Variants in NKAIN3 observed in about 807,000 individuals in gnomAD.
NKAIN3 encodes the protein sodium/potassium transporting ATPase interacting 3, also known as sodium/potassium-transporting ATPase subunit beta-1-interacting protein 3.
A neutral mutation model predicts 30.2 loss-of-function variants in NKAIN3; 25 were observed. That is an observed-to-expected ratio of 0.83 (90% CI 0.60 to 1.16). The LOEUF (loss-of-function observed/expected upper bound fraction) is 1.16. Among genes scored for constraint, NKAIN3 ranks in the 50% most tolerant of loss-of-function variants. NKAIN3 has a pLI of 0.00. For synonymous variants in NKAIN3, 91 were observed against 89.6 expected (o/e 1.02, Z -0.09); for missense variants, 225 against 254.1 (o/e 0.89, Z 0.78).
intron 3 of NKAIN3, among the ~76,000 whole-genome samples, chr8:62,661,141 C>G (rs912834677): frequency 6.6e-6 from 1 of 152,172 alleles, no homozygotes; most frequent in Admixed American, 6.5e-5. Flanking sequence ...ATTTGAAGCA[C>G]GTACGCCATC....
chr8:62,284,055 CT>C (rs1813290771), intron 1 of NKAIN3, among the ~76,000 whole-genome samples: 1 of 152,034 alleles, frequency 6.6e-6, no homozygotes, highest in South Asian at 2.1e-4. Context: ...TCCACTTTTC[CT>C]TTTTGAGACC....
intron 1 of NKAIN3, among the ~76,000 whole-genome samples, chr8:62,406,755 G>A (rs1804083486): frequency 6.6e-6 from 1 of 151,972 alleles, no homozygotes; most frequent in Non-Finnish European, 1.5e-5. Context: ...CCTCTATTAG[G>A]TGTTCCTGTC....
intron 3 of NKAIN3, among the ~76,000 whole-genome samples, chr8:62,620,149 G>A (rs533799971): frequency 5.9e-5 from 9 of 152,250 alleles, no homozygotes; most frequent in Non-Finnish European, 1.0e-4. Context: ...ATAGGACACA[G>A]GGGTATGCTC....
chr8:62,832,056 G>C (rs1819213530), intron 4 of NKAIN3, among the ~76,000 whole-genome samples: 1 of 151,896 alleles, frequency 6.6e-6, no homozygotes, highest in Admixed American at 6.6e-5. Context: ...GAGATAAGAG[G>C]CCTATTTTCA....
intron 1 of NKAIN3, among the ~76,000 whole-genome samples, chr8:62,407,711 G>T (rs1467535819): frequency 6.6e-6 from 1 of 152,166 alleles, no homozygotes; most frequent in African/African-American, 2.4e-5. Context: ...GATTACAGGC[G>T]TGAGCCCCCG....
intron 1 of NKAIN3, among the ~76,000 whole-genome samples, chr8:62,338,318 A>G (rs1585696647): frequency 1.3e-5 from 2 of 152,174 alleles, no homozygotes; most frequent in Admixed American, 6.5e-5. Context: ...CCATTAATAT[A>G]CAATTATAAA....
chr8:62,664,524 A>G (rs1242433541), intron 3 of NKAIN3, among the ~76,000 whole-genome samples: 3 of 152,092 alleles, frequency 2.0e-5, no homozygotes, highest in Non-Finnish European at 4.4e-5. Context: ...AACTTTTCAT[A>G]TAGTGGATTC....
chr8:62,862,406 G>A (rs1247696576), intron 4 of NKAIN3, among the ~76,000 whole-genome samples: 3 of 151,938 alleles, frequency 2.0e-5, no homozygotes, highest in Non-Finnish European at 4.4e-5. Flanking sequence ...GAAAACTAAA[G>A]TGCACTTATA....
chr8:62,654,605 G>A (rs116705911), intron 3 of NKAIN3, among the ~76,000 whole-genome samples: 3 of 152,258 alleles, frequency 2.0e-5, no homozygotes, highest in Non-Finnish European at 2.9e-5. Context: ...GTAGCTAGAG[G>A]ACAATGGTAG....
rs1459772053 is a variant in NKAIN3, at chr8:62,682,371, G to A, written c.274-64561G>A. 3.9e-5 allele frequency among the ~76,000 whole-genome samples: 6 copies of A among 152,268 alleles called. No homozygotes were observed. The East Asian group carries it at 9.7e-4, about 25-fold the overall frequency. On this transcript the variant is annotated intron_variant, in intron 3 of 6. Coordinates refer to ENST00000623646, the MANE Select transcript of NKAIN3 (RefSeq NM_001304533.3). ...AGGGAAGCCATTTCTGGTCTCACAG[G>A]GGTCCTTGGGGAGGGCTGCCAGGGG...
rs146836699 is a variant in NKAIN3 at position 62,753,309 on chromosome 8, T to C, written c.471+6180T>C. ...AAGTATTTCTGCTTGAAATAATCTCTATTATCAATTAATGTCATCCTACAG... is the reference window on the plus strand; with the variant it reads ...AAGTATTTCTGCTTGAAATAATCTCCATTATCAATTAATGTCATCCTACAG... On this transcript the variant is annotated intron_variant, in intron 4 of 6. Transcript: ENST00000623646. Among the ~76,000 whole-genome samples, 35 of 152,194 alleles carry C rather than the reference T, an allele frequency of 2.3e-4. No individual in the cohort carries two copies. In the East Asian group the frequency reaches 6.6e-3, roughly 29 times the overall value.
chr8:62,379,428 G>T (rs909026076), intron 1 of NKAIN3, among the ~76,000 whole-genome samples: 11 of 152,150 alleles, frequency 7.2e-5, no homozygotes, highest in Non-Finnish European at 1.6e-4. Context: ...GCCAGGGGTG[G>T]AATGATATGG....
chr8:62,350,042 G>A (rs1366271192), intron 1 of NKAIN3, among the ~76,000 whole-genome samples: 1 of 152,176 alleles, frequency 6.6e-6, no homozygotes, highest in Non-Finnish European at 1.5e-5. Flanking sequence ...AAATGGTGCA[G>A]CCACTGTGAA....
chr8:62,398,998 GGA>G (rs1817850832), intron 1 of NKAIN3, among the ~76,000 whole-genome samples: 2 of 152,130 alleles, frequency 1.3e-5, no homozygotes, highest in South Asian at 4.1e-4. Flanking sequence ...GGCTGAGGCA[GGA>G]GAATCACTTG....
Position 62,647,331 on chromosome 8 carries a change from A to G in NKAIN3, c.273+57537A>G, listed in dbSNP as rs555041666. 1.4e-4 allele frequency among the ~76,000 whole-genome samples: 22 copies of G among 152,324 alleles called. 1 individual carries two copies. The South Asian group carries it at 4.6e-3, about 32-fold the overall frequency. ...AGATGAAAAGCAAAGTGGCAGAACTACTTTTAAAGTTGTTCATCCATTAGG... is the reference window on the plus strand; with the variant it reads ...AGATGAAAAGCAAAGTGGCAGAACTGCTTTTAAAGTTGTTCATCCATTAGG... On this transcript the variant is annotated intron_variant, in intron 3 of 6. Transcript: ENST00000623646.
chr8:62,407,831 A>G (rs1804122351), intron 1 of NKAIN3, among the ~76,000 whole-genome samples: 1 of 152,206 alleles, frequency 6.6e-6, no homozygotes, highest in Non-Finnish European at 1.5e-5. Flanking sequence ...CAGGAGTTAG[A>G]GACCAGCCTA....
chr8:62,690,239 T>G (rs1813923504), intron 3 of NKAIN3, among the ~76,000 whole-genome samples: 2 of 152,090 alleles, frequency 1.3e-5, no homozygotes, highest in East Asian at 3.9e-4. Flanking sequence ...TGCACCATCA[T>G]GAGGTTTCTC....
At chr8:62,279,555 A>G (rs904883992) in intron 1 of NKAIN3, among the ~76,000 whole-genome samples, 3 of 152,096 alleles carry the variant, frequency 2.0e-5, no homozygotes, top group Non-Finnish European at 4.4e-5. Flanking sequence ...GTTGTATAAG[A>G]TGTAAGGAAG....
At chr8:62,279,459 C>T (rs1050849061) in intron 1 of NKAIN3, among the ~76,000 whole-genome samples, 2 of 152,130 alleles carry the variant, frequency 1.3e-5, no homozygotes, top group Non-Finnish European at 2.9e-5. Flanking sequence ...ATGCGTATGT[C>T]CTGAATGGTA....
Sources: allele counts gnomAD v4.1 joint callset (sites outside exome capture counted in the v4.1 genomes callset), GRCh38; gene constraint gnomAD v4.1.1; transcripts MANE v1.5; gene names NCBI Gene and HGNC (gene_info 2026-07-23, HGNC 2026-07-21).